Variants in TCF24 observed in about 807,000 individuals in gnomAD.
TCF24 encodes transcription factor 24.
TCF24 carries 5 observed loss-of-function variants against 9.3 expected under a neutral mutation model. The ratio of observed to expected loss-of-function variants is 0.54; its 90% CI spans 0.28 to 1.13. The LOEUF (loss-of-function observed/expected upper bound fraction) is 1.13. Among genes scored for constraint, TCF24 ranks in the 50% most tolerant of loss-of-function variants. The pLI is 0.09. For synonymous variants in TCF24, 110 were observed against 115.8 expected (o/e 0.95, Z 0.32); for missense variants, 220 against 236.1 (o/e 0.93, Z 0.45).
chr8:66,961,541 C>G lies in TCF24; in HGVS notation c.225G>C (p.Thr75=). The G allele has an allele frequency of 6.6e-7, 1 of 1,507,818 alleles. No homozygotes were observed. The highest frequency in any genetic ancestry group is 8.8e-7 in the Non-Finnish European group (1 of 1,135,302). 93.4% of individuals were successfully genotyped at this position (1,507,818 alleles called of 1,614,324 possible). ...TGGTGTCGGGCGGCACGGACGGCAGCGTGCGCTGCAGCTCCAGGAAAGCGT... is the reference window on the plus strand; with the variant it reads ...TGGTGTCGGGCGGCACGGACGGCAGGGTGCGCTGCAGCTCCAGGAAAGCGT... The part of the protein sequence containing the change: ...LRHAFLELQR[T]LPSVPPDTKL... Residue 75 remains threonine (T), a synonymous_variant, in exon 3 of 4, where the codon ACG becomes ACC. Transcript: ENST00000563496.
intron 3 of TCF24, among the ~76,000 whole-genome samples, chr8:66,954,714 G>A (rs1814123820): frequency 6.6e-6 from 1 of 152,270 alleles, no homozygotes; most frequent in African/African-American, 2.4e-5. Context: ...CTTGCAGTTT[G>A]ATCTCAGACT....
At position 66,961,369 on chromosome 8, in the gene TCF24, C is replaced by A; in HGVS notation, c.390+7G>T. 6.8e-7 allele frequency: 1 copy of A among 1,471,504 alleles called. No homozygotes were observed. The highest frequency in any genetic ancestry group is 8.9e-7 in the Non-Finnish European group (1 of 1,118,300). The allele number at this position is 1,471,504 out of a possible 1,614,324, so 91.2% of individuals were successfully genotyped here. ...CCCCAGCCCCGCGGTGCGCCCCGCC[C>A]GCTTACCTTGACCGGGTGCAGGTAG... On this transcript the variant is annotated splice_region_variant and intron_variant, in intron 3 of 3. Coordinates refer to ENST00000563496, the MANE Select transcript of TCF24 (RefSeq NM_001193502.2).
chr8:66,961,471 C>A lies in TCF24; in HGVS notation c.295G>T (p.Ala99Ser). The A allele has an allele frequency of 6.5e-7, 1 of 1,528,200 alleles. No homozygotes were observed. Among genetic ancestry groups the A allele is most frequent in the South Asian group, 1.2e-5 (1 of 83,060 alleles). The allele number at this position is 1,528,200 out of a possible 1,614,324, so 94.7% of individuals were successfully genotyped here. A position where few individuals can be genotyped will look rare whatever the true frequency, so the allele number is the denominator to read the frequency against. ...DVLLLATTYI[A>S]HLTRSLQDDA... is the part of the protein sequence containing the mutation. ...TCCTGCAGGCTGCGGGTGAGATGCGCGATGTAGGTGGTGGCCAGCAGCAGC... is the reference window on the plus strand; with the variant it reads ...TCCTGCAGGCTGCGGGTGAGATGCGAGATGTAGGTGGTGGCCAGCAGCAGC... Residue 99 changes from alanine (A) to serine (S), a missense_variant, in exon 3 of 4, where the codon GCG becomes TCG. Ala to Ser is a moderately conservative substitution (Grantham distance 99). Coordinates refer to ENST00000563496, the MANE Select transcript of TCF24 (RefSeq NM_001193502.2).
intron 3 of TCF24, among the ~76,000 whole-genome samples, chr8:66,951,726 G>T (rs1249504818): frequency 6.6e-6 from 1 of 151,740 alleles, no homozygotes; most frequent in Non-Finnish European, 1.5e-5. Context: ...TCTGGTCCTG[G>T]ACTCTTTTTG....
Position 66,951,724 on chromosome 8 carries a change from T to C in TCF24, c.391-3560A>G, listed in dbSNP as rs1179770877. 2.0e-5 allele frequency among the ~76,000 whole-genome samples: 3 copies of C among 152,054 alleles called. No homozygotes were observed. In the East Asian group the frequency reaches 5.8e-4, roughly 29 times the overall value. On this transcript the variant is annotated intron_variant, in intron 3 of 3. Coordinates refer to ENST00000563496, the MANE Select transcript of TCF24 (RefSeq NM_001193502.2). ...ATTCGGCTGTGAATCCATCTGGTCC[T>C]GGACTCTTTTTGGTTGGTAAACTAT...
intron 3 of TCF24, among the ~76,000 whole-genome samples, chr8:66,951,224 G>A (rs2130897802): frequency 1.4e-5 from 2 of 139,404 alleles, no homozygotes; most frequent in East Asian, 4.1e-4. Context: ...TATTGGCTGT[G>A]GGTTTGTCAT....
chr8:66,952,801 T>A (rs931594988), intron 3 of TCF24, among the ~76,000 whole-genome samples: 14 of 151,748 alleles, frequency 9.2e-5, no homozygotes, highest in African/African-American at 3.1e-4. Context: ...CATATATATT[T>A]AGGATAGTTA....
Position 66,957,895 on chromosome 8 carries a change from T to TAA in TCF24, c.390+3479_390+3480dup, listed in dbSNP as rs11299517. Among the ~76,000 whole-genome samples, 66 of 43,046 alleles carry TAA rather than the reference T, an allele frequency of 1.5e-3. 4 individuals carry two copies. The highest frequency in any genetic ancestry group is 2.4e-3 in the Admixed American group (7 of 2,866). The allele number at this position is 43,046 out of a possible 152,430, so 28.2% of individuals were successfully genotyped here. A position where few individuals can be genotyped will look rare whatever the true frequency, so the allele number is the denominator to read the frequency against. On this transcript the variant is annotated intron_variant, in intron 3 of 3. Coordinates refer to ENST00000563496, the MANE Select transcript of TCF24 (RefSeq NM_001193502.2). ...CAGGTCCCACTGTGTTAAGAATTGCTAAAAAAAAAAAAAAAAAAAAAAAAA... is the reference window on the plus strand; with the variant it reads ...CAGGTCCCACTGTGTTAAGAATTGCTAAAAAAAAAAAAAAAAAAAAAAAAAAA...
chr8:66,956,463 A>G (rs942217390), intron 3 of TCF24, among the ~76,000 whole-genome samples: 3 of 152,142 alleles, frequency 2.0e-5, no homozygotes, highest in African/African-American at 7.2e-5. Flanking sequence ...CCTGGGTTCA[A>G]GTGATTCTCC....
Position 66,961,675 on chromosome 8 carries a change from GC to G in TCF24, c.90del (p.Arg31GlyfsTer117). 9.0e-7 allele frequency: 1 copy of G among 1,109,158 alleles called. No homozygotes were observed. Among genetic ancestry groups the G allele is most frequent in the Non-Finnish European group, 1.1e-6 (1 of 910,672 alleles). 68.7% of individuals were successfully genotyped at this position (1,109,158 alleles called of 1,614,324 possible). ...LAAAIRDSRP[G>X]RTGPGPAGPG... ...GGGCCCGCCGGCCCCGGCCCGGTCCGCCCGGGACGCGAGTCGCGGATGGCGG... is the reference window on the plus strand; with the variant it reads ...GGGCCCGCCGGCCCCGGCCCGGTCCGCCGGGACGCGAGTCGCGGATGGCGG... On this transcript the variant is annotated frameshift_variant, in exon 3 of 4. Coordinates refer to ENST00000563496, the MANE Select transcript of TCF24 (RefSeq NM_001193502.2). LOFTEE classifies it high-confidence loss of function.
chr8:66,961,232 C>G, intron 3 of TCF24, 144 bp downstream of exon 3: 1 of 1,179,250 alleles, frequency 8.5e-7, no homozygotes, highest in Non-Finnish European at 1.1e-6. Context: ...CACCAGTACC[C>G]TCGCGGGCCG....
In TCF24 at chr8:66,962,400, G is replaced by C. The variant is rs1176540473; in HGVS notation, c.-206C>G. On this transcript the variant is annotated 5_prime_UTR_variant, in exon 1 of 4. Transcript: ENST00000563496. Reference sequence around the variant, plus strand: ...GCGAGGGGCGTGGAGCAGGGCCTGTGTGGCCAGGGCCGCGCTGGTCACTCC... The same window carrying C: ...GCGAGGGGCGTGGAGCAGGGCCTGTCTGGCCAGGGCCGCGCTGGTCACTCC... 1 of 152,648 alleles carries C rather than the reference G, an allele frequency of 6.6e-6. No homozygotes were observed. The highest frequency in any genetic ancestry group is 1.5e-5 in the Non-Finnish European group (1 of 68,418). 9.5% of individuals were successfully genotyped at this position (152,648 alleles called of 1,614,324 possible). A position where few individuals can be genotyped will look rare whatever the true frequency, so the allele number is the denominator to read the frequency against.
chr8:66,957,722 C>A (rs547404120), intron 3 of TCF24, among the ~76,000 whole-genome samples: 11 of 151,860 alleles, frequency 7.2e-5, no homozygotes, highest in African/African-American at 2.7e-4. Context: ...GCTTTGAAAC[C>A]TTTTACCTGC....
intron 3 of TCF24, among the ~76,000 whole-genome samples, chr8:66,949,612 A>G (rs1394934479): frequency 6.6e-6 from 1 of 152,210 alleles, no homozygotes; most frequent in East Asian, 1.9e-4. Flanking sequence ...TCCTTTGGGT[A>G]TATACCCAGT....
At chr8:66,959,963 T>A (rs917252747) in intron 3 of TCF24, among the ~76,000 whole-genome samples, 1 of 152,192 alleles carries the variant, frequency 6.6e-6, no homozygotes, top group Non-Finnish European at 1.5e-5. Context: ...AGAAAATAAG[T>A]TGAAAAGCAT....
At chr8:66,960,194 A>T (rs1193175871) in intron 3 of TCF24, among the ~76,000 whole-genome samples, 1 of 152,200 alleles carries the variant, frequency 6.6e-6, no homozygotes, top group East Asian at 1.9e-4. Flanking sequence ...AAAACTTACA[A>T]ATGAAATAAA....
chr8:66,953,653 A>T (rs1267372913), intron 3 of TCF24, among the ~76,000 whole-genome samples: 1 of 152,006 alleles, frequency 6.6e-6, no homozygotes, highest in Admixed American at 6.6e-5. Context: ...GTCTTGCTAG[A>T]TTGGGGAAGT....
intron 3 of TCF24, among the ~76,000 whole-genome samples, chr8:66,955,499 A>C (rs1450108293): frequency 6.6e-6 from 1 of 152,210 alleles, no homozygotes; most frequent in Non-Finnish European, 1.5e-5. Context: ...CACACAGGCC[A>C]ACTGCTAGTT....
chr8:66,961,722 G>A lies in TCF24; in HGVS notation c.44C>T (p.Ala15Val). The change falls in exon 3 of 4, where the codon GCC becomes GTC. Residue 15 changes from alanine (A) to valine (V), a missense_variant. Physicochemically the swap from Ala to Val is moderately conservative, Grantham distance 64. Transcript: ENST00000563496. Reference sequence around the variant, plus strand: ...GGCGGCGGCCAGGGGCGCGGGCTCGGCGCTGGCGCTGAGGGGGCTGCCCGC... The same window carrying A: ...GGCGGCGGCCAGGGGCGCGGGCTCGACGCTGGCGCTGAGGGGGCTGCCCGC... ...RPAGSPLSAS[A>V]EPAPLAAAIR... The A allele has an allele frequency of 2.7e-6, 3 of 1,105,100 alleles. No individual in the cohort carries two copies. The highest frequency in any genetic ancestry group is 3.3e-6 in the Non-Finnish European group (3 of 907,554). 68.5% of individuals were successfully genotyped at this position (1,105,100 alleles called of 1,614,324 possible).
Sources: allele counts gnomAD v4.1 joint callset (sites outside exome capture counted in the v4.1 genomes callset), GRCh38; gene constraint gnomAD v4.1.1; transcripts MANE v1.5; gene names NCBI Gene and HGNC (gene_info 2026-07-23, HGNC 2026-07-21).